Variants in PTPRF observed in about 807,000 individuals in gnomAD.
PTPRF encodes the protein protein tyrosine phosphatase receptor type F, also known as receptor-type tyrosine-protein phosphatase F.
In PTPRF, 59 loss-of-function variants were observed where a neutral mutation model predicts 201.8. The ratio of observed to expected loss-of-function variants is 0.29; its 90% confidence interval spans 0.24 to 0.36. The LOEUF (loss-of-function observed/expected upper bound fraction) is 0.36. Among genes scored for constraint, PTPRF ranks in the 10% least tolerant of loss-of-function variants. The probability of loss-of-function intolerance (pLI) is 1.00; values close to 1 mark genes in which losing one functional copy is unlikely to be tolerated. For synonymous variants in PTPRF, 1,088 were observed against 1,089.7 expected (o/e 1.00, Z 0.03); for missense variants, 2,132 against 2,690.5 (o/e 0.79, Z 4.59).
rs558777583 is a variant in PTPRF, at chr1:43,560,375, T to C, written c.379+6434T>C. Among the ~76,000 whole-genome samples, 9 of 151,092 alleles carry C rather than the reference T, an allele frequency of 6.0e-5. No individual in the cohort carries two copies. In the East Asian group the frequency reaches 1.8e-3, roughly 29 times the overall value. On this transcript the variant is annotated intron_variant, in intron 5 of 33. Coordinates refer to ENST00000359947, the MANE Select transcript of PTPRF (RefSeq NM_002840.5). ...GCTTGTACATGCAGCACATAGTGTA[T>C]GTGTGTTGATGTCAGACAATGCATG...
chr1:43,535,961 G>A (rs1643976440), intron 1 of PTPRF, among the ~76,000 whole-genome samples: 1 of 152,054 alleles, frequency 6.6e-6, no homozygotes, highest in African/African-American at 2.4e-5. Flanking sequence ...TTAGAGACAG[G>A]GTTTTGTCAT....
Position 43,603,361 on chromosome 1 carries a change from G to A in PTPRF, c.2341-55G>A. On this transcript the variant is annotated intron_variant, in intron 14 of 33. Coordinates refer to ENST00000359947, the MANE Select transcript of PTPRF (RefSeq NM_002840.5). The surrounding 1 kb of genome is among the most constrained non-coding windows in gnomAD (Gnocchi z 5.8). The stretch of plus-strand genomic sequence containing the variant: ...CTAGGGTCCTGAGGTCCCTGACAAG[G>A]TCTGGCCTCTCCCTGCATTCTTGTG... 2 of 1,520,034 alleles carry A rather than the reference G, an allele frequency of 1.3e-6. No homozygotes were observed. Among genetic ancestry groups the A allele is most frequent in the Middle Eastern group, 3.4e-4 (2 of 5,912 alleles). 94.2% of individuals were successfully genotyped at this position (1,520,034 alleles called of 1,614,324 possible).
rs147188221 is a variant in PTPRF, at chr1:43,592,541, C to T, written c.1753C>T (p.Arg585Cys). 1.1e-5 allele frequency: 18 copies of T among 1,612,092 alleles called. No individual in the cohort carries two copies. In the African/African-American group the frequency reaches 1.3e-4, roughly 12 times the overall value. ...ACTCTACCGCTTCCAGCTGGCTGCA[C>T]GCTCGGATATGGGGGTGGGCGTCTT... ...DTLYRFQLAA[R>C]SDMGVGVFTP... Residue 585 changes from arginine (R) to cysteine (C), a missense_variant, in exon 11 of 34, where the codon CGC becomes TGC. Arg to Cys is a radical substitution (Grantham distance 180, BLOSUM62 -3). This residue lies in a region of PTPRF where 351 missense variants were observed against 401.7 expected (regional missense o/e 0.87). Coordinates refer to ENST00000359947, the MANE Select transcript of PTPRF (RefSeq NM_002840.5).
In PTPRF at chr1:43,606,925, ATCC is replaced by A. The variant is rs767484078; in HGVS notation, c.3817_3819del (p.Leu1273del). The A allele has an allele frequency of 6.2e-7, 1 of 1,614,164 alleles. No individual in the cohort carries two copies. The highest frequency in any genetic ancestry group is 8.5e-7 in the Non-Finnish European group (1 of 1,180,022). ...GGTGACGGGTCCCGTGCTGGCAGTC[ATCC>A]TCATCATCCTCATTGTCATCGCCAT... On this transcript the variant is annotated inframe_deletion, in exon 21 of 34. Coordinates refer to ENST00000359947, the MANE Select transcript of PTPRF (RefSeq NM_002840.5).
At position 43,555,906 on chromosome 1, in the gene PTPRF, T is replaced by C. The variant is rs148319700; in HGVS notation, c.379+1965T>C. Among the ~76,000 whole-genome samples, 80 of 152,318 alleles carry C rather than the reference T, an allele frequency of 5.3e-4. 1 individual carries two copies. The East Asian group carries it at 0.015, about 28-fold the overall frequency. ...AGATGGATGTGTTCACCTTCCTGATTATTCCCTTATTCTAGGTTCATGGAA... is the reference window on the plus strand; with the variant it reads ...AGATGGATGTGTTCACCTTCCTGATCATTCCCTTATTCTAGGTTCATGGAA... On this transcript the variant is annotated intron_variant, in intron 5 of 33. Transcript: ENST00000359947.
Position 43,606,292 on chromosome 1 carries a change from A to G in PTPRF, c.3536A>G (p.Gln1179Arg), listed in dbSNP as rs1309641384. 1.9e-6 allele frequency: 3 copies of G among 1,613,846 alleles called. No homozygotes were observed. The highest frequency in any genetic ancestry group is 2.2e-5 in the South Asian group (2 of 91,076). ...GAGGAGCAGCGGCGGCGGCGGCGGC[A>G]GGCAGAACGTCTGAAGCCATATGTG... ...GGEEQRRRRR[Q>R]AERLKPYVAA... The change falls in exon 20 of 34, where the codon CAG becomes CGG. Residue 1179 changes from glutamine to arginine, a missense_variant. By Grantham distance (43) the Gln-to-Arg change is conservative. Coordinates refer to ENST00000359947, the MANE Select transcript of PTPRF (RefSeq NM_002840.5).
At chr1:43,617,422 C>T (rs770800440) in intron 23 of PTPRF, 23 bp from the exon 24 acceptor site, 1 of 1,613,962 alleles carries the variant, frequency 6.2e-7, no homozygotes, top group Middle Eastern at 1.7e-4. Context: ...CCCCACCCCA[C>T]CCGCTTTCTC....
chr1:43,551,944 C>T (rs570820239), intron 3 of PTPRF, among the ~76,000 whole-genome samples: 1 of 152,204 alleles, frequency 6.6e-6, no homozygotes, highest in African/African-American at 2.4e-5. Context: ...AGTTCCTTCT[C>T]TGTTGGTACC....
chr1:43,525,568 C>T (rs1020035875), upstream of PTPRF, among the ~76,000 whole-genome samples: 5 of 151,724 alleles, frequency 3.3e-5, no homozygotes, highest in East Asian at 1.9e-4. Flanking sequence ...GTTGGGAGGC[C>T]GAGGCAGGCA....
At chr1:43,614,193 C>T (rs1453516326) in intron 23 of PTPRF, among the ~76,000 whole-genome samples, 1 of 152,206 alleles carries the variant, frequency 6.6e-6, no homozygotes, top group African/African-American at 2.4e-5. Context: ...GGTGAGGAAG[C>T]GGGGGCTCAG....
rs778938238 is a variant in PTPRF, at chr1:43,617,593, A to G, written c.4195+25A>G. The G allele has an allele frequency of 1.1e-5, 17 of 1,613,300 alleles. 1 individual carries two copies. Among genetic ancestry groups the G allele is most frequent in the Admixed American group, 1.7e-5 (1 of 59,952 alleles). ...GGTGAGCCAAGGGGGTGCCCCTCCC[A>G]TCCCCTTGCTCTCCCCCTTGCTAGC... is the stretch of plus-strand genomic sequence containing the variant. On this transcript the variant is annotated intron_variant, in intron 24 of 33. Coordinates refer to ENST00000359947, the MANE Select transcript of PTPRF (RefSeq NM_002840.5).
intron 33 of PTPRF, among the ~76,000 whole-genome samples, chr1:43,621,491 G>C (rs970382712): frequency 1.3e-5 from 2 of 151,968 alleles, no homozygotes; most frequent in African/African-American, 4.8e-5. Flanking sequence ...CTGGGTGGCA[G>C]AGCAAGACCC....
At chr1:43,613,848 T>A in intron 23 of PTPRF, 133 bp downstream of exon 23, 1 of 776,920 alleles carries the variant, frequency 1.3e-6, no homozygotes. Context: ...GAGAGGAGGG[T>A]TGGCAGTGGT....
At chr1:43,555,979 A>C (rs946198396) in intron 5 of PTPRF, among the ~76,000 whole-genome samples, 2 of 152,188 alleles carry the variant, frequency 1.3e-5, no homozygotes, top group Non-Finnish European at 2.9e-5. Flanking sequence ...GCCTTTTGAT[A>C]TTTCCAGAAG....
Position 43,592,052 on chromosome 1 carries a change from G to A in PTPRF, c.1668+104G>A, listed in dbSNP as rs1262630819. The A allele has an allele frequency of 1.6e-5, 24 of 1,486,418 alleles. No homozygotes were observed. The East Asian group carries it at 5.0e-4, about 31-fold the overall frequency. 92.1% of individuals were successfully genotyped at this position (1,486,418 alleles called of 1,614,324 possible). ...TTTCTGGATTCTGTGGCTTATGTGGGCACAGCCTCTAAGGTTTCTGCTGGA... is the reference window on the plus strand; with the variant it reads ...TTTCTGGATTCTGTGGCTTATGTGGACACAGCCTCTAAGGTTTCTGCTGGA... On this transcript the variant is annotated intron_variant, in intron 10 of 33. Transcript: ENST00000359947.
chr1:43,572,220 T>C (rs999641383), intron 6 of PTPRF, among the ~76,000 whole-genome samples: 1 of 152,112 alleles, frequency 6.6e-6, no homozygotes, highest in Non-Finnish European at 1.5e-5. Flanking sequence ...GGCCTGGGTC[T>C]GATCACACTT....
chr1:43,595,905 C>T (rs545183027), intron 11 of PTPRF, among the ~76,000 whole-genome samples: 80 of 152,064 alleles, frequency 5.3e-4, no homozygotes, highest in African/African-American at 1.9e-3. Context: ...GGTGGCAGAG[C>T]GAGCCAGGCA....
chr1:43,522,693 T>G (rs182862663), upstream of PTPRF, among the ~76,000 whole-genome samples: 1 of 148,272 alleles, frequency 6.7e-6, no homozygotes. Context: ...GTGAAGGAGG[T>G]GGGGTGGAAA....
chr1:43,588,088 C>A lies in PTPRF; in HGVS notation c.680-643C>A, dbSNP rs1053644576. 5.9e-5 allele frequency among the ~76,000 whole-genome samples: 9 copies of A among 152,220 alleles called. No individual in the cohort carries two copies. ...GTCCCTGGCCTGCCCTGACCCCTGC[C>A]CCTCCCCAGTCCTCCTGAGGGCAGC... On this transcript the variant is annotated intron_variant, in intron 7 of 33. Transcript: ENST00000359947. This position sits in a 1 kb window ranked among gnomAD's most constrained non-coding sequence, Gnocchi z 5.3.
Sources: gnomAD v4.1 joint callset for allele counts (sites outside exome capture counted in the v4.1 genomes callset) on GRCh38, gnomAD v4.1.1 for gene constraint, gnomAD v4.1.1 regional missense constraint, Gnocchi (gnomAD v3.1) non-coding constraint, MANE v1.5 for transcripts, NCBI Gene and HGNC (gene_info 2026-07-23, HGNC 2026-07-21) for gene names.